ITM2C: variants seen among roughly 807,000 people sequenced by gnomAD.
ITM2C encodes BRICHOS domain containing 2C.
In ITM2C, 20 loss-of-function variants were observed where a neutral mutation model predicts 30.0. The observed-to-expected ratio is 0.67, with a 90% CI of 0.47 to 0.97. The LOEUF is 0.97. Ranked by LOEUF, ITM2C falls within the 50% of genes least tolerant of loss-of-function variation. ITM2C has a pLI of 0.00. For missense variants in ITM2C, 366 were observed against 371.9 expected, an observed-to-expected ratio of 0.98 and a Z score of 0.13; for synonymous variants, 167 against 156.4, an observed-to-expected ratio of 1.07 and a Z score of -0.51.
chr2:230,875,839 G>C, intron 3 of ITM2C, 31 bp downstream of exon 3: 2 of 326,324 alleles, frequency 6.1e-6, no homozygotes, highest in South Asian at 2.7e-5. Flanking sequence ...GGGGTGGGGG[G>C]TGGGAGGGTG....
Position 230,876,920 on chromosome 2 carries a change from A to G in ITM2C, c.514A>G (p.Ile172Val). ...CTATGTCATCGAACTCAACACCACC[A>G]TTGTGCTGCCCCCTCGCAACTTCTG... ...KCYVIELNTT[I>V]VLPPRNFWEL... The change falls in exon 4 of 6, where the codon ATT becomes GTT. Residue 172 changes from isoleucine (I) to valine (V), a missense_variant. By Grantham distance (29) the Ile-to-Val change is conservative. Coordinates refer to ENST00000326427, the MANE Select transcript of ITM2C (RefSeq NM_030926.6). 6.2e-7 allele frequency: 1 copy of G among 1,614,006 alleles called. No individual in the cohort carries two copies. The highest frequency in any genetic ancestry group is 8.5e-7 in the Non-Finnish European group (1 of 1,179,926).
Position 230,877,968 on chromosome 2 carries a change from A to G in ITM2C, c.713-40A>G. 6.5e-7 allele frequency: 1 copy of G among 1,537,822 alleles called. No individual in the cohort carries two copies. Among genetic ancestry groups the G allele is most frequent in the Non-Finnish European group, 9.0e-7 (1 of 1,111,532 alleles). On this transcript the variant is annotated intron_variant, in intron 5 of 5. Transcript: ENST00000326427. The surrounding 1 kb of genome is among the most constrained non-coding windows in gnomAD (Gnocchi z 4.8). ...GGCTGGTGGTCTTTGTGACTCAGCC[A>G]GGATGCAGGGCTCACTGGGGTTTTT...
intron 2 of ITM2C, among the ~76,000 whole-genome samples, chr2:230,874,507 G>GACTC (rs1559157559): frequency 1.3e-5 from 2 of 151,908 alleles, no homozygotes; most frequent in African/African-American, 4.8e-5. Context: ...TTCCACCCTC[G>GACTC]ACTCACACCC....
chr2:230,865,215 C>T lies in ITM2C; in HGVS notation c.120+70C>T, dbSNP rs1696996671. ...TCACGACCCAGGCGCGCCCCGTCGGCCCTGGGGACTGCCCGAGGCGCGTCA... is the reference window on the plus strand; with the variant it reads ...TCACGACCCAGGCGCGCCCCGTCGGTCCTGGGGACTGCCCGAGGCGCGTCA... On this transcript the variant is annotated intron_variant, in intron 1 of 5. Coordinates refer to ENST00000326427, the MANE Select transcript of ITM2C (RefSeq NM_030926.6). The surrounding 1 kb of genome is among the most constrained non-coding windows in gnomAD (Gnocchi z 6.8). The T allele has an allele frequency of 6.9e-6, 9 of 1,296,854 alleles. No individual in the cohort carries two copies. In the Admixed American group the frequency reaches 2.6e-4, roughly 38 times the overall value. 80.3% of individuals were successfully genotyped at this position (1,296,854 alleles called of 1,614,324 possible).
chr2:230,865,243 G>T lies in ITM2C; in HGVS notation c.120+98G>T. ...TGGGGACTGCCCGAGGCGCGTCAGG[G>T]CCCCAGAGCCCGGGGTGGAGCAGGG... On this transcript the variant is annotated intron_variant, in intron 1 of 5. Coordinates refer to ENST00000326427, the MANE Select transcript of ITM2C (RefSeq NM_030926.6). This position sits in a 1 kb window ranked among gnomAD's most constrained non-coding sequence, Gnocchi z 6.8. 4 of 1,221,146 alleles carry T rather than the reference G, an allele frequency of 3.3e-6. No individual in the cohort carries two copies. The highest frequency in any genetic ancestry group is 4.2e-6 in the Non-Finnish European group (4 of 957,960). 75.6% of individuals were successfully genotyped at this position (1,221,146 alleles called of 1,614,324 possible). A position where few individuals can be genotyped will look rare whatever the true frequency, so the allele number is the denominator to read the frequency against.
Position 230,877,632 on chromosome 2 carries a change from A to G in ITM2C, c.712+82A>G. 2 of 1,477,530 alleles carry G rather than the reference A, an allele frequency of 1.4e-6. No individual in the cohort carries two copies. The highest frequency in any genetic ancestry group is 1.9e-6 in the Non-Finnish European group (2 of 1,071,224). The allele number at this position is 1,477,530 out of a possible 1,614,324, so 91.5% of individuals were successfully genotyped here. A position where few individuals can be genotyped will look rare whatever the true frequency, so the allele number is the denominator to read the frequency against. On this transcript the variant is annotated intron_variant, in intron 5 of 5. Coordinates refer to ENST00000326427, the MANE Select transcript of ITM2C (RefSeq NM_030926.6). The surrounding 1 kb of genome is among the most constrained non-coding windows in gnomAD (Gnocchi z 4.8). Reference sequence around the variant, plus strand: ...TCTTCACGCCTAGCCCAGCTGTCAGAGAGCTCAGATAGCAGCAGCAATAAC... The same window carrying G: ...TCTTCACGCCTAGCCCAGCTGTCAGGGAGCTCAGATAGCAGCAGCAATAAC...
intron 1 of ITM2C, among the ~76,000 whole-genome samples, chr2:230,870,007 C>A (rs1697125550): frequency 6.6e-6 from 1 of 152,224 alleles, no homozygotes. Flanking sequence ...TTTTCTGGGT[C>A]CCCAGCATGA....
At chr2:230,866,206 C>T (rs1331313235) in intron 1 of ITM2C, among the ~76,000 whole-genome samples, 1 of 152,188 alleles carries the variant, frequency 6.6e-6, no homozygotes, top group East Asian at 1.9e-4. Flanking sequence ...TTGTGGCTTA[C>T]CAAGCCCATG....
chr2:230,865,088 G>T lies in ITM2C; in HGVS notation c.63G>T (p.Ala21=). The part of the protein sequence containing the change: ...AGIKGDKADK[A]SASAPAPASA... ...TCAAGGGCGACAAGGCTGACAAGGCGTCGGCGTCGGCCCCTGCGCCGGCCT... is the reference window on the plus strand; with the variant it reads ...TCAAGGGCGACAAGGCTGACAAGGCTTCGGCGTCGGCCCCTGCGCCGGCCT... Residue 21 remains alanine, a synonymous_variant, in exon 1 of 6, where the codon GCG becomes GCT. Transcript: ENST00000326427. This position sits in a 1 kb window ranked among gnomAD's most constrained non-coding sequence, Gnocchi z 6.8. 1.3e-6 allele frequency: 2 copies of T among 1,529,672 alleles called. No homozygotes were observed. Among genetic ancestry groups the T allele is most frequent in the Non-Finnish European group, 1.8e-6 (2 of 1,135,134 alleles). The allele number at this position is 1,529,672 out of a possible 1,614,324, so 94.8% of individuals were successfully genotyped here.
In ITM2C at chr2:230,878,240, C is replaced by A. The variant is rs1389467598; in HGVS notation, c.*141C>A. 5 of 521,268 alleles carry A rather than the reference C, an allele frequency of 9.6e-6. No individual in the cohort carries two copies. Among genetic ancestry groups the A allele is most frequent in the Non-Finnish European group, 1.3e-5 (4 of 300,890 alleles). The allele number at this position is 521,268 out of a possible 1,614,324, so 32.3% of individuals were successfully genotyped here. ...GACATGTCTCTCCATTCCTCTCCAA[C>A]CCTGCCCACCTCCCTGTACCAGAGC... On this transcript the variant is annotated 3_prime_UTR_variant, in exon 6 of 6. Transcript: ENST00000326427. The surrounding 1 kb of genome is among the most constrained non-coding windows in gnomAD (Gnocchi z 4.5).
intron 2 of ITM2C, among the ~76,000 whole-genome samples, chr2:230,874,056 G>A (rs938936229): frequency 6.6e-6 from 1 of 152,180 alleles, no homozygotes; most frequent in African/African-American, 2.4e-5. Flanking sequence ...CCCCTCCCCG[G>A]GGGACCTGGG....
rs140224813 is a variant in ITM2C, at chr2:230,877,119, G to A, written c.561+152G>A. 9.8e-4 allele frequency: 643 copies of A among 656,534 alleles called. 9 individuals carry two copies. In the East Asian group the frequency reaches 0.016, roughly 17 times the overall value. The allele number at this position is 656,534 out of a possible 1,614,324, so 40.7% of individuals were successfully genotyped here. On this transcript the variant is annotated intron_variant, in intron 4 of 5. Coordinates refer to ENST00000326427, the MANE Select transcript of ITM2C (RefSeq NM_030926.6). This position sits in a 1 kb window ranked among gnomAD's most constrained non-coding sequence, Gnocchi z 4.8. ...GCACCTGGGCCCTGTACCCAGATTG[G>A]TCTCGCCTCTGCTATCCCCCTGCTT...
Position 230,878,085 on chromosome 2 carries a change from T to C in ITM2C, c.790T>C (p.Cys264Arg). The C allele has an allele frequency of 6.3e-6, 10 of 1,592,926 alleles. No homozygotes were observed. Among genetic ancestry groups the C allele is most frequent in the Non-Finnish European group, 8.6e-6 (10 of 1,167,866 alleles). Residue 264 changes from cysteine (C) to arginine (R), a missense_variant, in exon 6 of 6, where the codon TGC becomes CGC. Cys to Arg is a radical substitution (Grantham distance 180, BLOSUM62 -3). Transcript: ENST00000326427. This position sits in a 1 kb window ranked among gnomAD's most constrained non-coding sequence, Gnocchi z 4.5. Reference protein sequence around the residue: ...ENTFVVETLICGVV With the variant: ...ENTFVVETLIRGVV ...CACCTTCGTGGTGGAGACGCTCATC[T>C]GCGGGGTGGTGTGAGGCCCTCCTCC...
Position 230,877,479 on chromosome 2 carries a change from TG to T in ITM2C, c.645del (p.Ser216ProfsTer81). ...VTEHVSDKEA[L>X]GSFIYHLCNG... ...GAGCATGTCAGTGACAAGGAGGCCC[TG>T]GGGTCCTTCATCTACCACCTGTGCA... On this transcript the variant is annotated frameshift_variant, in exon 5 of 6. Transcript: ENST00000326427. LOFTEE classifies it high-confidence loss of function. The surrounding 1 kb of genome is among the most constrained non-coding windows in gnomAD (Gnocchi z 4.8). The T allele has an allele frequency of 1.2e-6, 2 of 1,614,004 alleles. No individual in the cohort carries two copies. Among genetic ancestry groups the T allele is most frequent in the Non-Finnish European group, 1.7e-6 (2 of 1,179,936 alleles).
At position 230,873,482 on chromosome 2, in the gene ITM2C, G is replaced by A. The variant is rs772347042; in HGVS notation, c.186G>A (p.Ser62=). ...CAGTGGGCGGCGTGTGCTACCTGTCGATGGGCATGGTCGTGCTGCTCATGG... is the reference window on the plus strand; with the variant it reads ...CAGTGGGCGGCGTGTGCTACCTGTCAATGGGCATGGTCGTGCTGCTCATGG... The part of the protein sequence containing the change: ...GGSVGGVCYL[S]MGMVVLLMGL... The change falls in exon 2 of 6, where the codon TCG becomes TCA. Residue 62 remains serine, a synonymous_variant. Transcript: ENST00000326427. 8 of 1,610,630 alleles carry A rather than the reference G, an allele frequency of 5.0e-6. No homozygotes were observed. Among genetic ancestry groups the A allele is most frequent in the African/African-American group, 4.0e-5 (3 of 74,830 alleles).
intron 1 of ITM2C, among the ~76,000 whole-genome samples, chr2:230,870,056 C>T (rs954872443): frequency 3.3e-5 from 5 of 152,202 alleles, no homozygotes; most frequent in East Asian, 1.9e-4. Flanking sequence ...GTGGGCCATT[C>T]GGCCATCTTT....
At chr2:230,873,597 G>A in intron 2 of ITM2C, 40 bp downstream of exon 2, 2 of 1,572,700 alleles carry the variant, frequency 1.3e-6, no homozygotes, top group Non-Finnish European at 1.7e-6. Context: ...CCTCGAGAAA[G>A]GGTCATGTCT....
rs1014772973 is a variant in ITM2C at position 230,878,312 on chromosome 2, G to A, written c.*213G>A. 32 of 373,090 alleles carry A rather than the reference G, an allele frequency of 8.6e-5. No individual in the cohort carries two copies. The highest frequency in any genetic ancestry group is 1.7e-4 in the Admixed American group (4 of 22,910). 23.1% of individuals were successfully genotyped at this position (373,090 alleles called of 1,614,324 possible). On this transcript the variant is annotated 3_prime_UTR_variant, in exon 6 of 6. Coordinates refer to ENST00000326427, the MANE Select transcript of ITM2C (RefSeq NM_030926.6). The surrounding 1 kb of genome is among the most constrained non-coding windows in gnomAD (Gnocchi z 4.5). ...CCATCTCTGCTGACCTGGGTGTGGC[G>A]GAGGGAGAGGCGATGCTGCAAAGTG...
chr2:230,867,783 C>A (rs1424545047), intron 1 of ITM2C, among the ~76,000 whole-genome samples: 1 of 152,008 alleles, frequency 6.6e-6, no homozygotes, highest in Non-Finnish European at 1.5e-5. Context: ...CTCAGCCTCC[C>A]AAGTAGCTGG....
Sources: gnomAD v4.1 joint callset for allele counts (sites outside exome capture counted in the v4.1 genomes callset) on GRCh38, gnomAD v4.1.1 for gene constraint, Gnocchi (gnomAD v3.1) non-coding constraint, MANE v1.5 for transcripts, NCBI Gene and HGNC (gene_info 2026-07-23, HGNC 2026-07-21) for gene names.